The following MACROD2 variants were observed in gnomAD, a reference collection of about 807,000 sequenced individuals.
MACROD2 encodes ADP-ribose glycohydrolase MACROD2.
MACROD2 carries 36 observed loss-of-function variants against 70.4 expected under a neutral mutation model. The observed-to-expected ratio is 0.51, with a 90% CI of 0.39 to 0.68. MACROD2 has a LOEUF of 0.68. Ranked by LOEUF, MACROD2 falls within the 30% of genes least tolerant of loss-of-function variation. MACROD2 has a pLI of 0.00. For missense variants in MACROD2, 496 were observed against 538.4 expected, an observed-to-expected ratio of 0.92 and a Z score of 0.78; for synonymous variants, 172 against 178.8, an observed-to-expected ratio of 0.96 and a Z score of 0.30.
chr20:14,649,265 A>G (rs985751609), intron 4 of MACROD2, among the ~76,000 whole-genome samples: 3 of 152,218 alleles, frequency 2.0e-5, no homozygotes, highest in Non-Finnish European at 1.5e-5. Context: ...GTAAGAGGAA[A>G]GAGTTTTAGA....
chr20:15,627,033 G>T (rs6043401), intron 8 of MACROD2, among the ~76,000 whole-genome samples: 25,114 of 152,002 alleles, frequency 0.17, 2,553 homozygotes, highest in African/African-American at 0.27. Context: ...TTAGCAAAGT[G>T]TTAGTTGATA....
intron 3 of MACROD2, among the ~76,000 whole-genome samples, chr20:14,146,042 G>T (rs1374443239): frequency 6.6e-6 from 1 of 152,142 alleles, no homozygotes; most frequent in South Asian, 2.1e-4. Flanking sequence ...TCTGTAAGTG[G>T]CCAGGCGCGG....
chr20:15,193,894 C>T (rs1452847853), intron 5 of MACROD2, among the ~76,000 whole-genome samples: 1 of 151,930 alleles, frequency 6.6e-6, no homozygotes, highest in African/African-American at 2.4e-5. Context: ...ATGATGGTTG[C>T]TGAATCTTTC....
chr20:15,681,844 T>C (rs143674555), intron 8 of MACROD2, among the ~76,000 whole-genome samples: 52 of 152,360 alleles, frequency 3.4e-4, no homozygotes, highest in African/African-American at 1.3e-3. Context: ...CCAACATGCT[T>C]CTTTTCTATT....
rs1289539291 is a variant in MACROD2, at chr20:14,096,037, C to T, written c.271+10309C>T. On this transcript the variant is annotated intron_variant, in intron 3 of 17. Transcript: ENST00000684519. ...TAATTTACTAGTATGTAGGACAGAA[C>T]GTATTTACAATCAGGTCTAGATAGG... Among the ~76,000 whole-genome samples the T allele has an allele frequency of 2.6e-5, 4 of 152,164 alleles. No homozygotes were observed. The South Asian group carries it at 8.3e-4, about 32-fold the overall frequency.
At chr20:15,219,045 CA>C (rs1342587848) in intron 5 of MACROD2, among the ~76,000 whole-genome samples, 76 of 140,040 alleles carry the variant, frequency 5.4e-4, no homozygotes, top group Admixed American at 6.4e-4. Context: ...GACTCCGTCT[CA>C]AAAAAAAAAA....
chr20:14,750,815 C>T (rs1268758355), intron 5 of MACROD2, among the ~76,000 whole-genome samples: 2 of 152,020 alleles, frequency 1.3e-5, no homozygotes, highest in Admixed American at 1.3e-4. Flanking sequence ...TACACCAAAA[C>T]TGGTTATATT....
chr20:15,917,517 C>T (rs1300249545), intron 10 of MACROD2, among the ~76,000 whole-genome samples: 1 of 152,166 alleles, frequency 6.6e-6, no homozygotes, highest in Non-Finnish European at 1.5e-5. Context: ...CTTTCTATGG[C>T]AATGGGAATT....
intron 8 of MACROD2, among the ~76,000 whole-genome samples, chr20:15,654,612 G>A (rs1003776080): frequency 6.6e-6 from 1 of 152,330 alleles, no homozygotes. Flanking sequence ...ATGATGGGAT[G>A]GGGGAGTGGG....
intron 4 of MACROD2, among the ~76,000 whole-genome samples, chr20:14,537,515 G>A (rs990986294): frequency 2.0e-4 from 31 of 152,146 alleles, no homozygotes; most frequent in African/African-American, 7.0e-4. Context: ...AACATGGACT[G>A]AGCAGGTGGA....
intron 3 of MACROD2, among the ~76,000 whole-genome samples, chr20:14,351,258 T>C (rs554242935): frequency 7.0e-4 from 106 of 152,244 alleles, no homozygotes; most frequent in Non-Finnish European, 1.4e-3. Flanking sequence ...TTGTTCCACA[T>C]AATTTTTTTT....
intron 3 of MACROD2, among the ~76,000 whole-genome samples, chr20:14,184,745 C>T (rs1352667975): frequency 1.3e-5 from 2 of 152,084 alleles, no homozygotes; most frequent in African/African-American, 4.8e-5. Flanking sequence ...ATTTCACCTT[C>T]CTAGTTAGCT....
At chr20:14,572,035 A>G (rs1980228464) in intron 4 of MACROD2, among the ~76,000 whole-genome samples, 5 of 152,096 alleles carry the variant, frequency 3.3e-5, no homozygotes, top group Admixed American at 3.3e-4. Context: ...ATTTTGTCAT[A>G]GACAGCATAG....
chr20:14,325,729 G>T, intron 3 of MACROD2: 2 of 1,613,938 alleles, frequency 1.2e-6, no homozygotes, highest in Non-Finnish European at 1.7e-6. Flanking sequence ...CATCTGAAAA[G>T]AAGTTTCCCT....
At chr20:14,178,323 A>G (rs1408615072) in intron 3 of MACROD2, among the ~76,000 whole-genome samples, 1 of 152,202 alleles carries the variant, frequency 6.6e-6, no homozygotes, top group Non-Finnish European at 1.5e-5. Context: ...ATAATCATGT[A>G]CAATCATAAT....
At chr20:14,507,282 T>C (rs1473419700) in intron 4 of MACROD2, among the ~76,000 whole-genome samples, 2 of 152,084 alleles carry the variant, frequency 1.3e-5, no homozygotes, top group Non-Finnish European at 2.9e-5. Flanking sequence ...CTGTTACATA[T>C]ATGTTGTAAA....
At chr20:14,368,916 G>A (rs1305542474) in intron 3 of MACROD2, among the ~76,000 whole-genome samples, 1 of 152,112 alleles carries the variant, frequency 6.6e-6, no homozygotes, top group South Asian at 2.1e-4. Context: ...ACTTTGCTAG[G>A]CTATTTTTAA....
At chr20:15,994,477 G>A (rs1568693748) in intron 15 of MACROD2, among the ~76,000 whole-genome samples, 1 of 152,134 alleles carries the variant, frequency 6.6e-6, no homozygotes, top group African/African-American at 2.4e-5. Context: ...AAAATGTTAG[G>A]CTAAAGGAAT....
intron 5 of MACROD2, among the ~76,000 whole-genome samples, chr20:14,824,815 C>T (rs1416113391): frequency 2.0e-5 from 3 of 152,064 alleles, no homozygotes; most frequent in Admixed American, 6.5e-5. Flanking sequence ...ATGAAAGAAA[C>T]TTTCTGCCAC....
Sources: gnomAD v4.1 joint callset for allele counts (sites outside exome capture counted in the v4.1 genomes callset) on GRCh38, gnomAD v4.1.1 for gene constraint, MANE v1.5 for transcripts, NCBI Gene and HGNC (gene_info 2026-07-23, HGNC 2026-07-21) for gene names.